Variants in INTS9 observed in about 807,000 individuals in gnomAD.
INTS9 encodes the protein integrator complex subunit 9.
A neutral mutation model predicts 79.7 loss-of-function variants in INTS9; 55 were observed. That is an observed-to-expected ratio of 0.69 (90% CI 0.56 to 0.86). INTS9 has a LOEUF of 0.86. INTS9 is among the 40% of genes least tolerant of loss of function. INTS9 has a pLI of 0.00. For synonymous variants in INTS9, 319 were observed against 325.2 expected (o/e 0.98, Z 0.20); for missense variants, 721 against 831.5 (o/e 0.87, Z 1.64).
intron 5 of INTS9, among the ~76,000 whole-genome samples, chr8:28,836,989 G>C (rs1212149306): frequency 6.6e-6 from 1 of 151,604 alleles, no homozygotes; most frequent in Non-Finnish European, 1.5e-5. Flanking sequence ...TTTTTTTCTG[G>C]AGTAATTTTC....
At chr8:28,811,130 T>C (rs1383849922) in intron 8 of INTS9, among the ~76,000 whole-genome samples, 77 of 85,922 alleles carry the variant, frequency 9.0e-4, no homozygotes, top group African/African-American at 5.0e-3. Flanking sequence ...TTCTCTCTCT[T>C]TTTTTTTTTT....
chr8:28,777,061 T>TG (rs984276982), intron 13 of INTS9, among the ~76,000 whole-genome samples: 110 of 152,254 alleles, frequency 7.2e-4, no homozygotes, highest in African/African-American at 2.6e-3. Context: ...GGGGCCCTCC[T>TG]GGGGTTCTCC....
intron 11 of INTS9, among the ~76,000 whole-genome samples, chr8:28,786,270 A>T (rs1585349865): frequency 6.6e-6 from 1 of 151,694 alleles, no homozygotes; most frequent in South Asian, 2.1e-4. Flanking sequence ...CAGTACTATT[A>T]CCAAAAATTT....
At chr8:28,799,220 C>T (rs1034599803) in intron 8 of INTS9, among the ~76,000 whole-genome samples, 2 of 152,106 alleles carry the variant, frequency 1.3e-5, no homozygotes, top group African/African-American at 2.4e-5. Flanking sequence ...TGTTTGAACC[C>T]GGGAGGCGGA....
Position 28,769,637 on chromosome 8 carries a change from T to C in INTS9, c.1800+252A>G, listed in dbSNP as rs1377274520. The C allele has an allele frequency of 6.4e-6, 3 of 471,604 alleles. No individual in the cohort carries two copies. The East Asian group carries it at 1.2e-4, about 19-fold the overall frequency. The allele number at this position is 471,604 out of a possible 1,614,324, so 29.2% of individuals were successfully genotyped here. A position where few individuals can be genotyped will look rare whatever the true frequency, so the allele number is the denominator to read the frequency against. On this transcript the variant is annotated intron_variant, in intron 16 of 16. Coordinates refer to ENST00000521022, the MANE Select transcript of INTS9 (RefSeq NM_018250.4). The stretch of plus-strand genomic sequence containing the variant: ...CTGCCCCACTCGTCACATGTGTGTG[T>C]GGAAGCAGCTTTTTCTTCAGTCTGG...
Position 28,767,909 on chromosome 8 carries a change from T to C in INTS9, c.*237A>G. 2.0e-6 allele frequency: 1 copy of C among 509,400 alleles called. No homozygotes were observed. The highest frequency in any genetic ancestry group is 3.5e-6 in the Non-Finnish European group (1 of 281,806). The allele number at this position is 509,400 out of a possible 1,614,324, so 31.6% of individuals were successfully genotyped here. On this transcript the variant is annotated 3_prime_UTR_variant, in exon 17 of 17. Transcript: ENST00000521022. ...CCCACTTCTGCCACCCTCCAGCTCC[T>C]TGAGAGAGCCAGAGTTGAGAAGAAA...
At chr8:28,885,227 T>A (rs1457475409) in intron 1 of INTS9, among the ~76,000 whole-genome samples, 2 of 152,230 alleles carry the variant, frequency 1.3e-5, no homozygotes, top group Admixed American at 6.5e-5. Context: ...CTTCTCAAGT[T>A]TTAAAATTTG....
chr8:28,855,105 A>C (rs1351234793), intron 2 of INTS9, among the ~76,000 whole-genome samples: 1 of 152,162 alleles, frequency 6.6e-6, no homozygotes, highest in Non-Finnish European at 1.5e-5. Flanking sequence ...CCCAGTCCCC[A>C]TCCAGCTAGT....
intron 11 of INTS9, 125 bp downstream of exon 11, chr8:28,787,704 T>C (rs1242753945): frequency 1.8e-6 from 1 of 544,616 alleles, no homozygotes; most frequent in Non-Finnish European, 3.3e-6. Context: ...TGTGTCTGAC[T>C]TGGGAGGCAA....
At chr8:28,839,503 A>C (rs1386872231) in intron 4 of INTS9, among the ~76,000 whole-genome samples, 1 of 152,186 alleles carries the variant, frequency 6.6e-6, no homozygotes, top group Non-Finnish European at 1.5e-5. Flanking sequence ...AGCCAAAAGA[A>C]CAAAGCTGGA....
chr8:28,852,288 T>C lies in INTS9; in HGVS notation c.138-2015A>G, dbSNP rs554424657. ...TTTGACTGGTATAAATCACACCTGA[T>C]AAACTCTTTTTTTTTTTTTTTTAAA... is the stretch of plus-strand genomic sequence containing the variant. On this transcript the variant is annotated intron_variant, in intron 2 of 16. Transcript: ENST00000521022. 8.2e-5 allele frequency among the ~76,000 whole-genome samples: 8 copies of C among 98,010 alleles called. No individual in the cohort carries two copies. The South Asian group carries it at 2.4e-3, about 29-fold the overall frequency. The allele number at this position is 98,010 out of a possible 152,430, so 64.3% of individuals were successfully genotyped here.
At chr8:28,793,730 G>A in intron 10 of INTS9, 77 bp downstream of exon 10, 4 of 1,236,266 alleles carry the variant, frequency 3.2e-6, no homozygotes, top group East Asian at 2.4e-5. Context: ...GAAAAAACAG[G>A]ATTATTTTTA....
At chr8:28,866,590 G>T (rs2131319409) in intron 1 of INTS9, among the ~76,000 whole-genome samples, 1 of 152,200 alleles carries the variant, frequency 6.6e-6, no homozygotes. Context: ...GAGTTTCTTG[G>T]TTATCAATCT....
intron 1 of INTS9, among the ~76,000 whole-genome samples, chr8:28,889,259 A>G (rs1810427765): frequency 6.6e-6 from 1 of 152,206 alleles, no homozygotes; most frequent in South Asian, 2.1e-4. Flanking sequence ...AGCACGCTTC[A>G]TTCAGCCTTG....
At chr8:28,813,901 C>T (rs2131055946) in intron 6 of INTS9, among the ~76,000 whole-genome samples, 1 of 152,030 alleles carries the variant, frequency 6.6e-6, no homozygotes, top group South Asian at 2.1e-4. Context: ...GCTGGGATTA[C>T]AGGCGCCCAC....
At chr8:28,852,856 A>G (rs777330901) in intron 2 of INTS9, among the ~76,000 whole-genome samples, 9 of 152,210 alleles carry the variant, frequency 5.9e-5, no homozygotes, top group Non-Finnish European at 1.2e-4. Flanking sequence ...AGTAGATGAG[A>G]CTGAATGCTC....
At chr8:28,770,169 G>C (rs1585316912) in intron 15 of INTS9, 143 bp from the exon 16 acceptor site, 1 of 1,062,482 alleles carries the variant, frequency 9.4e-7, no homozygotes, top group East Asian at 2.6e-5. Context: ...ACTCGGTTCA[G>C]GTTCCCTGGC....
rs370422330 is a variant in INTS9 at position 28,835,267 on chromosome 8, G to T, written c.488+25C>A. 13 of 1,542,562 alleles carry T rather than the reference G, an allele frequency of 8.4e-6. No individual in the cohort carries two copies. The African/African-American group carries it at 1.8e-4, about 21-fold the overall frequency. On this transcript the variant is annotated intron_variant, in intron 6 of 16. Coordinates refer to ENST00000521022, the MANE Select transcript of INTS9 (RefSeq NM_018250.4). Reference sequence around the variant, plus strand: ...AAAGCACCTGGCTCTACAGTCTCTCGGTAAGAGAGTGGTCTGTTCCTCACC... The same window carrying T: ...AAAGCACCTGGCTCTACAGTCTCTCTGTAAGAGAGTGGTCTGTTCCTCACC...
chr8:28,793,890 T>A lies in INTS9; in HGVS notation c.954A>T (p.Ser318=), dbSNP rs751723162. 2.5e-6 allele frequency: 4 copies of A among 1,613,872 alleles called. No homozygotes were observed. The highest frequency in any genetic ancestry group is 3.4e-6 in the Non-Finnish European group (4 of 1,179,968). Residue 318 remains serine, a synonymous_variant, in exon 10 of 17, where the codon TCA becomes TCT. Coordinates refer to ENST00000521022, the MANE Select transcript of INTS9 (RefSeq NM_018250.4). ...LLECLYQYID[S]AGLSSVPLYF... ...AGAGGGGGACGCTGGAAAGCCCGGCTGAGTCGATGTACTGATATAGGCACT... is the reference window on the plus strand; with the variant it reads ...AGAGGGGGACGCTGGAAAGCCCGGCAGAGTCGATGTACTGATATAGGCACT...
Sources: gnomAD v4.1 joint callset for allele counts (sites outside exome capture counted in the v4.1 genomes callset) on GRCh38, gnomAD v4.1.1 for gene constraint, MANE v1.5 for transcripts, NCBI Gene and HGNC (gene_info 2026-07-23, HGNC 2026-07-21) for gene names.